Variants in SGMS1 observed in about 807,000 individuals in gnomAD.
The protein encoded by SGMS1 is phosphatidylcholine:ceramide cholinephosphotransferase 1.
Under a neutral mutation model 46.2 loss-of-function variants are expected in SGMS1, and 13 were observed. The ratio of observed to expected loss-of-function variants is 0.28; its 90% CI spans 0.18 to 0.45. SGMS1 has a LOEUF of 0.45. SGMS1 is among the 20% of genes least tolerant of loss of function. The probability of loss-of-function intolerance (pLI) is 1.00; values close to 1 mark genes in which losing one functional copy is unlikely to be tolerated. For missense variants in SGMS1, 324 were observed against 519.9 expected (o/e 0.62, Z 3.66); for synonymous variants, 203 against 187.8 (o/e 1.08, Z -0.66).
intron 3 of SGMS1, among the ~76,000 whole-genome samples, chr10:50,490,704 C>T (rs1837559898): frequency 6.6e-6 from 1 of 152,186 alleles, no homozygotes; most frequent in African/African-American, 2.4e-5. Context: ...TGCTCTACCA[C>T]TTACTATCTG....
chr10:50,528,199 T>G (rs1046821637), intron 2 of SGMS1, among the ~76,000 whole-genome samples: 2 of 152,224 alleles, frequency 1.3e-5, no homozygotes, highest in Non-Finnish European at 2.9e-5. Flanking sequence ...AAGTATGAAT[T>G]ATTAGAGCCC....
chr10:50,542,961 A>T (rs1294871844), intron 2 of SGMS1, among the ~76,000 whole-genome samples: 3 of 151,908 alleles, frequency 2.0e-5, no homozygotes, highest in African/African-American at 7.2e-5. Context: ...ATCACTGTTT[A>T]GACTTGGACC....
At chr10:50,624,525 CG>C (rs1838896913), upstream of SGMS1, 1 of 918,814 alleles carries the variant, frequency 1.1e-6, no homozygotes, top group African/African-American at 1.8e-5. Flanking sequence ...CGCCTGGGAG[CG>C]CGACGGAGGC....
chr10:50,444,213 T>A (rs1001534398), intron 5 of SGMS1, among the ~76,000 whole-genome samples: 1 of 152,102 alleles, frequency 6.6e-6, no homozygotes, highest in Non-Finnish European at 1.5e-5. Flanking sequence ...AAAATGATAC[T>A]GAACTATATG....
rs71846628 is a variant in SGMS1 at position 50,454,050 on chromosome 10, C to CAAAA, written c.-313+6619_-313+6622dup. 9.4e-4 allele frequency among the ~76,000 whole-genome samples: 92 copies of CAAAA among 97,868 alleles called. 1 individual carries two copies. Among genetic ancestry groups the CAAAA allele is most frequent in the Non-Finnish European group, 1.3e-3 (63 of 49,708 alleles). The allele number at this position is 97,868 out of a possible 152,430, so 64.2% of individuals were successfully genotyped here. A position where few individuals can be genotyped will look rare whatever the true frequency, so the allele number is the denominator to read the frequency against. ...GACTTTCAACATTAATTTACATAGG[C>CAAAA]AAAAAAAAAAAAAAAAAAAGAAAGA... On this transcript the variant is annotated intron_variant, in intron 5 of 10. Transcript: ENST00000361781.
intron 4 of SGMS1, among the ~76,000 whole-genome samples, chr10:50,464,009 C>T (rs933950976): frequency 3.3e-5 from 5 of 152,088 alleles, no homozygotes; most frequent in Admixed American, 6.5e-5. Flanking sequence ...TAAGGTGGTT[C>T]GTAGTTGCCA....
chr10:50,442,926 T>TG (rs1214033697), intron 5 of SGMS1, among the ~76,000 whole-genome samples: 1 of 152,238 alleles, frequency 6.6e-6, no homozygotes, highest in Non-Finnish European at 1.5e-5. Flanking sequence ...ATCTTCTTCA[T>TG]GAAATCTTTG....
At chr10:50,420,002 A>G (rs1849234232) in intron 6 of SGMS1, among the ~76,000 whole-genome samples, 1 of 152,206 alleles carries the variant, frequency 6.6e-6, no homozygotes, top group African/African-American at 2.4e-5. Context: ...CTCTGCCAGT[A>G]AGTGACAGGG....
At chr10:50,538,238 A>G (rs993694596) in intron 2 of SGMS1, among the ~76,000 whole-genome samples, 4 of 151,992 alleles carry the variant, frequency 2.6e-5, no homozygotes, top group Non-Finnish European at 5.9e-5. Flanking sequence ...CAGGCAGATC[A>G]TGAGCTCAGG....
At chr10:50,400,710 A>T (rs1848925046) in intron 6 of SGMS1, among the ~76,000 whole-genome samples, 1 of 152,074 alleles carries the variant, frequency 6.6e-6, no homozygotes, top group South Asian at 2.1e-4. Context: ...AAGCAGCTTT[A>T]TTTTTGTGAG....
At chr10:50,406,311 A>G (rs1311095921) in intron 6 of SGMS1, among the ~76,000 whole-genome samples, 4 of 152,208 alleles carry the variant, frequency 2.6e-5, no homozygotes, top group East Asian at 1.9e-4. Flanking sequence ...CAGGAGTCAC[A>G]TCAGACTCCT....
At chr10:50,511,374 G>C (rs888545532) in intron 3 of SGMS1, among the ~76,000 whole-genome samples, 5 of 152,038 alleles carry the variant, frequency 3.3e-5, no homozygotes, top group Admixed American at 3.3e-4. Context: ...GTCCTTGTAA[G>C]CAAGCCCCAT....
Position 50,472,014 on chromosome 10 carries a change from A to G in SGMS1, c.-497-5082T>C, listed in dbSNP as rs1837382991. 3.3e-5 allele frequency among the ~76,000 whole-genome samples: 5 copies of G among 152,292 alleles called. No individual in the cohort carries two copies. In the South Asian group the frequency reaches 1.0e-3, roughly 32 times the overall value. ...TATATTTGTGTTACCAATTAAATCA[A>G]ATCATTCTTCTCAGTTATTGTCAAG... On this transcript the variant is annotated intron_variant, in intron 3 of 10. Transcript: ENST00000361781.
intron 1 of SGMS1, among the ~76,000 whole-genome samples, chr10:50,599,870 T>A (rs1344020927): frequency 6.6e-6 from 1 of 151,882 alleles, no homozygotes; most frequent in African/African-American, 2.4e-5. Context: ...CAGAAAAAAT[T>A]TTAAAAAAGA....
chr10:50,624,256 G>A (rs1838891706), upstream of SGMS1: 1 of 408,566 alleles, frequency 2.4e-6, no homozygotes, highest in African/African-American at 2.2e-5. Context: ...AAATCCCTTG[G>A]GGCAGGGCCG....
intron 1 of SGMS1, among the ~76,000 whole-genome samples, chr10:50,602,852 G>A (rs1588889719): frequency 6.6e-6 from 1 of 152,158 alleles, no homozygotes; most frequent in Non-Finnish European, 1.5e-5. Flanking sequence ...GAACTGCTTT[G>A]TCAGACTAAC....
chr10:50,363,953 T>C lies in SGMS1; in HGVS notation c.-231-19608A>G, dbSNP rs529548314. ...CTAAAAGAACTTGGAAAACAGACTA[T>C]GAAAAACTATTACTAACATTTTCAA... is the stretch of plus-strand genomic sequence containing the variant. On this transcript the variant is annotated intron_variant, in intron 6 of 10. Coordinates refer to ENST00000361781, the MANE Select transcript of SGMS1 (RefSeq NM_147156.4). Among the ~76,000 whole-genome samples the C allele has an allele frequency of 7.2e-5, 11 of 151,942 alleles. No homozygotes were observed. The South Asian group carries it at 8.3e-4, about 11-fold the overall frequency.
intron 6 of SGMS1, among the ~76,000 whole-genome samples, chr10:50,411,089 T>C (rs531579572): frequency 6.6e-6 from 1 of 152,312 alleles, no homozygotes; most frequent in East Asian, 1.9e-4. Context: ...GGCCCTCATG[T>C]ATGGCATATA....
chr10:50,463,153 A>T (rs929697795), intron 4 of SGMS1, among the ~76,000 whole-genome samples: 2 of 152,210 alleles, frequency 1.3e-5, no homozygotes, highest in Non-Finnish European at 2.9e-5. Context: ...TACATCAAAA[A>T]CACAGGTAAA....
Sources: gnomAD v4.1 joint callset for allele counts (sites outside exome capture counted in the v4.1 genomes callset) on GRCh38, gnomAD v4.1.1 for gene constraint, MANE v1.5 for transcripts, NCBI Gene and HGNC (gene_info 2026-07-23, HGNC 2026-07-21) for gene names.